The following PPFIBP2 variants were observed in gnomAD, a reference collection of about 807,000 sequenced individuals.
PPFIBP2 encodes PPFIB scaffold protein 2, also known as liprin-beta-2.
In PPFIBP2, 118 loss-of-function variants were observed where a neutral mutation model predicts 118.3. The ratio of observed to expected loss-of-function variants is 1.00; its 90% CI spans 0.86 to 1.16. The LOEUF is 1.16. PPFIBP2 is among the 50% of genes most tolerant of loss of function. The pLI is 0.00. For missense variants in PPFIBP2, 1,195 were observed against 1,073.1 expected (o/e 1.11, Z -1.59); for synonymous variants, 414 against 397.4 (o/e 1.04, Z -0.50).
intron 2 of PPFIBP2, among the ~76,000 whole-genome samples, chr11:7,549,792 GT>G (rs1852762690): frequency 6.6e-6 from 1 of 152,134 alleles, no homozygotes; most frequent in Non-Finnish European, 1.5e-5. Context: ...TACCGTCTCA[GT>G]TTGGATTCTG....
chr11:7,529,585 C>A (rs2134327308), intron 1 of PPFIBP2, among the ~76,000 whole-genome samples: 1 of 152,312 alleles, frequency 6.6e-6, no homozygotes, highest in South Asian at 2.1e-4. Flanking sequence ...GACTGCTGCA[C>A]CGAGGACAAA....
chr11:7,601,401 AAAT>A (rs2135383604), intron 5 of PPFIBP2, among the ~76,000 whole-genome samples: 1 of 152,302 alleles, frequency 6.6e-6, no homozygotes, highest in South Asian at 2.1e-4. Context: ...TTTCAGGGCA[AAAT>A]AATGTTTCTG....
chr11:7,655,504 A>T, downstream of PPFIBP2: 1 of 1,289,474 alleles, frequency 7.8e-7, no homozygotes, highest in Non-Finnish European at 1.0e-6. Context: ...TTACGGTAGG[A>T]CTCTGACCCT....
intron 4 of PPFIBP2, among the ~76,000 whole-genome samples, chr11:7,596,515 G>A (rs985590098): frequency 6.6e-6 from 1 of 151,848 alleles, no homozygotes; most frequent in African/African-American, 2.4e-5. Context: ...TCTTAAAGTA[G>A]GCATATTAAT....
In PPFIBP2 at chr11:7,593,129, T is replaced by C; in HGVS notation, c.280-3T>C. 1 of 1,612,850 alleles carries C rather than the reference T, an allele frequency of 6.2e-7. No homozygotes were observed. The highest frequency in any genetic ancestry group is 8.5e-7 in the Non-Finnish European group (1 of 1,179,652). On this transcript the variant is annotated splice_region_variant and splice_polypyrimidine_tract_variant and intron_variant, in intron 3 of 23. Transcript: ENST00000299492. ...TGTATTCTTTTTTTTCTGTCCTCTT[T>C]AGTCCCAGGTAAACCACCACAGTGC... is the stretch of plus-strand genomic sequence containing the variant.
intron 8 of PPFIBP2, 137 bp downstream of exon 8, chr11:7,626,028 T>C (rs1849958987): frequency 2.8e-6 from 2 of 720,794 alleles, no homozygotes; most frequent in Middle Eastern, 2.6e-4. Flanking sequence ...CATGTATGTG[T>C]GCAAGCGTGG....
intron 3 of PPFIBP2, among the ~76,000 whole-genome samples, chr11:7,568,658 G>A (rs1855285123): frequency 1.3e-5 from 2 of 152,164 alleles, no homozygotes; most frequent in African/African-American, 4.8e-5. Context: ...GGGGAAAGTG[G>A]CCCTCAGGAA....
Position 7,525,891 on chromosome 11 carries a change from G to C in PPFIBP2, c.-37+11770G>C, listed in dbSNP as rs1314291577. Among the ~76,000 whole-genome samples, 7 of 152,304 alleles carry C rather than the reference G, an allele frequency of 4.6e-5. No individual in the cohort carries two copies. The South Asian group carries it at 1.5e-3, about 32-fold the overall frequency. ...CTTACAAGCTTTGGAGGGGCCCAAG[G>C]ACAGTCAGGAAGATATAGGGGAATG... On this transcript the variant is annotated intron_variant, in intron 1 of 23. Transcript: ENST00000299492.
intron 3 of PPFIBP2, chr11:7,576,610 C>T (rs992559013): frequency 2.0e-5 from 3 of 152,562 alleles, no homozygotes; most frequent in African/African-American, 4.8e-5. Context: ...CTTTCCACCT[C>T]CTTGGTTTGT....
chr11:7,516,156 C>T (rs1027335542), intron 1 of PPFIBP2, among the ~76,000 whole-genome samples: 1 of 152,128 alleles, frequency 6.6e-6, no homozygotes, highest in Non-Finnish European at 1.5e-5. Flanking sequence ...TTGACAAACC[C>T]GAAGGCAACT....
chr11:7,603,564 G>A (rs1565039772), intron 5 of PPFIBP2, among the ~76,000 whole-genome samples: 2 of 152,116 alleles, frequency 1.3e-5, no homozygotes, highest in South Asian at 4.1e-4. Flanking sequence ...GTCATTGGTC[G>A]GTAACACCCT....
intron 1 of PPFIBP2, among the ~76,000 whole-genome samples, chr11:7,523,918 A>T (rs758377943): frequency 6.6e-6 from 1 of 152,208 alleles, no homozygotes; most frequent in Non-Finnish European, 1.5e-5. Context: ...ACACTTCCAC[A>T]GTAACTTGTG....
At chr11:7,530,512 C>G (rs1466275276) in intron 1 of PPFIBP2, among the ~76,000 whole-genome samples, 1 of 152,108 alleles carries the variant, frequency 6.6e-6, no homozygotes, top group Non-Finnish European at 1.5e-5. Flanking sequence ...TAAAGAGGCC[C>G]CAGAGAACTA....
chr11:7,611,788 G>A (rs1315783416), intron 6 of PPFIBP2, among the ~76,000 whole-genome samples: 2 of 152,220 alleles, frequency 1.3e-5, no homozygotes. Flanking sequence ...CTTACTGATA[G>A]TATTGTTAAG....
At position 7,549,455 on chromosome 11, in the gene PPFIBP2, G is replaced by A. The variant is rs72849038; in HGVS notation, c.-21G>A. On this transcript the variant is annotated 5_prime_UTR_variant, in exon 2 of 24. Coordinates refer to ENST00000299492, the MANE Select transcript of PPFIBP2 (RefSeq NM_003621.5). ...GAATTTTCAGTAAGAAGAGGAGGAG[G>A]CCAGGCAGGCAAAAGGAGTCATGGC... The A allele has an allele frequency of 0.038, 59,193 of 1,554,726 alleles. 2,094 individuals are homozygous for A. Among genetic ancestry groups the A allele is most frequent in the African/African-American group, 0.18 (13,444 of 73,096 alleles).
At chr11:7,524,065 G>C (rs1401468842) in intron 1 of PPFIBP2, among the ~76,000 whole-genome samples, 1 of 152,190 alleles carries the variant, frequency 6.6e-6, no homozygotes, top group African/African-American at 2.4e-5. Flanking sequence ...GAAAGGTTCA[G>C]AGAACTCTGC....
Position 7,629,450 on chromosome 11 carries a change from C to CT in PPFIBP2, c.889-8dup. The CT allele has an allele frequency of 1.2e-6, 2 of 1,613,514 alleles. No individual in the cohort carries two copies. Among genetic ancestry groups the CT allele is most frequent in the South Asian group, 2.2e-5 (2 of 91,062 alleles). The stretch of plus-strand genomic sequence containing the variant: ...GCATTAATCTAAATCTCTACTTGCA[C>CT]TATGGCAGGACCGTCGGATAGAGGA... On this transcript the variant is annotated splice_polypyrimidine_tract_variant and intron_variant, in intron 9 of 23. Transcript: ENST00000299492.
At chr11:7,556,347 C>A (rs1021863957) in intron 2 of PPFIBP2, among the ~76,000 whole-genome samples, 2 of 151,958 alleles carry the variant, frequency 1.3e-5, no homozygotes, top group South Asian at 4.2e-4. Flanking sequence ...CCCAGCTACT[C>A]GGGAGGCTGA....
chr11:7,523,752 T>C (rs1248530107), intron 1 of PPFIBP2, among the ~76,000 whole-genome samples: 1 of 152,146 alleles, frequency 6.6e-6, no homozygotes, highest in East Asian at 1.9e-4. Context: ...ATGGTCGCTG[T>C]GGTGTTCCCA....
Sources: gnomAD v4.1 joint callset for allele counts (sites outside exome capture counted in the v4.1 genomes callset) on GRCh38, gnomAD v4.1.1 for gene constraint, MANE v1.5 for transcripts, NCBI Gene and HGNC (gene_info 2026-07-23, HGNC 2026-07-21) for gene names.